NHS: variants seen among roughly 807,000 people sequenced by gnomAD.
The protein encoded by NHS is NHS actin remodeling regulator.
NHS carries 5 observed loss-of-function variants against 72.5 expected under a neutral mutation model. The ratio of observed to expected loss-of-function variants is 0.07; its 90% CI spans 0.04 to 0.14. The LOEUF (loss-of-function observed/expected upper bound fraction) is 0.14. Ranked by LOEUF, NHS falls within the 10% of genes least tolerant of loss-of-function variation. The pLI, the probability that NHS is intolerant of heterozygous loss-of-function variation, is 1.00. For missense variants in NHS, 1,072 were observed against 1,355.7 expected, an observed-to-expected ratio of 0.79 and a Z score of 3.29; for synonymous variants, 464 against 547.7, an observed-to-expected ratio of 0.85 and a Z score of 2.13.
At chrX:17,699,933 G>A (rs544985943) in intron 3 of NHS, among the ~76,000 whole-genome samples, 16 of 111,733 alleles carry the variant, frequency 1.4e-4, no homozygotes, top group South Asian at 1.1e-3. Context: ...CCCAAACACC[G>A]TAAAGGAAAT....
intron 1 of NHS, among the ~76,000 whole-genome samples, chrX:17,670,885 T>C (rs1215444147): frequency 8.9e-6 from 1 of 112,513 alleles, no homozygotes; most frequent in East Asian, 2.8e-4. Context: ...TTTGAGGTTA[T>C]GGAGTAGCCC....
intron 3 of NHS, among the ~76,000 whole-genome samples, chrX:17,718,261 G>C (rs2066376458): frequency 2.0e-5 from 2 of 100,981 alleles, no homozygotes; most frequent in South Asian, 9.5e-4. Context: ...AATTCAGACA[G>C]TCTAGCTTCA....
chrX:17,405,761 A>T (rs972285364), intron 1 of NHS, among the ~76,000 whole-genome samples: 8 of 112,539 alleles, frequency 7.1e-5, no homozygotes, highest in Non-Finnish European at 1.5e-4. Flanking sequence ...AGGTTGATGG[A>T]AGCAGTGTGT....
At chrX:17,673,997 G>T (rs1009916400) in intron 1 of NHS, among the ~76,000 whole-genome samples, 11 of 111,771 alleles carry the variant, frequency 9.8e-5, no homozygotes, top group African/African-American at 3.6e-4. Context: ...TGTCTAATAT[G>T]GCTACCAGGT....
intron 1 of NHS, among the ~76,000 whole-genome samples, chrX:17,438,944 G>A (rs2064738072): frequency 9.1e-6 from 1 of 109,947 alleles, no homozygotes; most frequent in Non-Finnish European, 1.9e-5. Context: ...TAGTGTTGGG[G>A]AAGCACGTTG....
chrX:17,473,322 A>C (rs183812374), intron 1 of NHS, among the ~76,000 whole-genome samples: 77 of 112,209 alleles, frequency 6.9e-4, no homozygotes, highest in Middle Eastern at 4.7e-3. Context: ...TTCCCACAAG[A>C]AGAGTAATCT....
chrX:17,602,034 A>G (rs1352140343), intron 1 of NHS, among the ~76,000 whole-genome samples: 1 of 111,901 alleles, frequency 8.9e-6, no homozygotes, highest in Non-Finnish European at 1.9e-5. Context: ...GTGTCAGTGC[A>G]TGCCAGGAAG....
At chrX:17,394,260 G>T (rs2064461279) in intron 1 of NHS, among the ~76,000 whole-genome samples, 1 of 111,667 alleles carries the variant, frequency 9.0e-6, no homozygotes, top group African/African-American at 3.3e-5. Flanking sequence ...AAAGCCCCTG[G>T]GGGACCTGGC....
chrX:17,691,443 T>C (rs1275400160), intron 2 of NHS, among the ~76,000 whole-genome samples: 4 of 112,056 alleles, frequency 3.6e-5, no homozygotes, highest in African/African-American at 9.8e-5. Flanking sequence ...TTTGCTCTGA[T>C]TGCTTATGGG....
intron 1 of NHS, among the ~76,000 whole-genome samples, chrX:17,443,287 A>G (rs1406532085): frequency 8.9e-6 from 1 of 112,261 alleles, no homozygotes; most frequent in Non-Finnish European, 1.9e-5. Flanking sequence ...GTATTCTACC[A>G]TGTCTTTCTC....
chrX:17,617,531 A>C (rs2065752783), intron 1 of NHS, among the ~76,000 whole-genome samples: 1 of 112,566 alleles, frequency 8.9e-6, no homozygotes, highest in Non-Finnish European at 1.9e-5. Context: ...AGACCAATTT[A>C]AAGCTTGAAA....
intron 1 of NHS, among the ~76,000 whole-genome samples, chrX:17,493,397 C>A (rs2064999622): frequency 8.9e-6 from 1 of 112,066 alleles, no homozygotes; most frequent in Non-Finnish European, 1.9e-5. Flanking sequence ...TCCATGCTTC[C>A]CAGCACATAC....
At chrX:17,631,704 G>T in intron 1 of NHS, among the ~76,000 whole-genome samples, 1 of 112,297 alleles carries the variant, frequency 8.9e-6, no homozygotes, top group Non-Finnish European at 1.9e-5. Flanking sequence ...CTAATTATTT[G>T]ATCTGTATTA....
intron 1 of NHS, among the ~76,000 whole-genome samples, chrX:17,457,704 G>T (rs2064830837): frequency 8.9e-6 from 1 of 112,140 alleles, no homozygotes; most frequent in Non-Finnish European, 1.9e-5. Flanking sequence ...ATTCAAGGCA[G>T]ATCTCAGAAA....
At chrX:17,613,023 T>C (rs903137337) in intron 1 of NHS, among the ~76,000 whole-genome samples, 57 of 111,008 alleles carry the variant, frequency 5.1e-4, no homozygotes, top group Non-Finnish European at 1.1e-3. Context: ...ATCACTTTTT[T>C]TTTTTTTTTA....
At chrX:17,682,137 C>T (rs16980664) in intron 1 of NHS, among the ~76,000 whole-genome samples, 6,333 of 110,299 alleles carry the variant, frequency 0.057, 453 homozygotes, top group African/African-American at 0.2. Flanking sequence ...GGATGGTTAC[C>T]GAGGAAGAAA....
chrX:17,478,449 G>A (rs2064931026), intron 1 of NHS, among the ~76,000 whole-genome samples: 1 of 111,754 alleles, frequency 8.9e-6, no homozygotes. Context: ...AGATTCTGTG[G>A]GTTGGGTGGA....
chrX:17,633,555 C>T (rs2065830251), intron 1 of NHS, among the ~76,000 whole-genome samples: 1 of 112,335 alleles, frequency 8.9e-6, no homozygotes, highest in Non-Finnish European at 1.9e-5. Flanking sequence ...CCCCTCAGCC[C>T]TTCTGCAAAG....
intron 1 of NHS, among the ~76,000 whole-genome samples, chrX:17,455,399 A>G (rs1490223887): frequency 8.9e-6 from 1 of 111,961 alleles, no homozygotes. Context: ...TTATCATGAT[A>G]ACATATTCCA....
Sources: allele counts gnomAD v4.1 joint callset (sites outside exome capture counted in the v4.1 genomes callset), GRCh38; gene constraint gnomAD v4.1.1; transcripts MANE v1.5; gene names NCBI Gene and HGNC (gene_info 2026-07-23, HGNC 2026-07-21).